The following PRR33 variants were observed in gnomAD, a reference collection of about 807,000 sequenced individuals.
PRR33 encodes the protein proline rich 33.
Under a neutral mutation model 0.5 loss-of-function variants are expected in PRR33, and 1 was observed. The ratio of observed to expected loss-of-function variants is 2.18; its 90% CI spans 0.77 to 10.34. The LOEUF is 10.34. Ranked by LOEUF, PRR33 falls within the 30% of genes most tolerant of loss-of-function variation. PRR33 has a pLI of 0.13. For synonymous variants in PRR33, 226 were observed against 110.0 expected, an observed-to-expected ratio of 2.06 and a Z score of -6.60; for missense variants, 552 against 251.8, an observed-to-expected ratio of 2.19 and a Z score of -8.07.
the PRR33 span, among the ~76,000 whole-genome samples, chr11:1,900,057 A>G: frequency 6.0e-5 from 9 of 151,106 alleles, no homozygotes; most frequent in African/African-American, 1.2e-4. Context: ...ATACATATAT[A>G]TATAAAATTT....
At chr11:1,905,433 C>CTTTTT in the PRR33 span, among the ~76,000 whole-genome samples, 3 of 97,886 alleles carry the variant, frequency 3.1e-5, no homozygotes, top group Admixed American at 1.2e-4. Context: ...GGCCTTCTCT[C>CTTTTT]TTTTTTTTTT....
chr11:1,907,120 T>C, the PRR33 span, among the ~76,000 whole-genome samples: 1 of 152,228 alleles, frequency 6.6e-6, no homozygotes, highest in Non-Finnish European at 1.5e-5. Context: ...ATTTTGTCTG[T>C]TCTGTGTTGC....
chr11:1,914,789 G>C, the PRR33 span, among the ~76,000 whole-genome samples: 5 of 142,322 alleles, frequency 3.5e-5, no homozygotes, highest in African/African-American at 1.3e-4. Context: ...TGGGTTGTGG[G>C]GTGTACACAC....
the PRR33 span, among the ~76,000 whole-genome samples, chr11:1,897,754 C>T: frequency 6.6e-6 from 1 of 152,146 alleles, no homozygotes; most frequent in East Asian, 1.9e-4. The surrounding 1 kb of genome is among the most constrained non-coding windows in gnomAD (Gnocchi z 4.0). Context: ...TCCTCATGGC[C>T]TTGTGTTTCT....
upstream of PRR33, among the ~76,000 whole-genome samples, chr11:1,893,862 T>C (rs927879085): frequency 6.9e-6 from 1 of 143,972 alleles, no homozygotes; most frequent in Non-Finnish European, 1.5e-5. Flanking sequence ...AAAGGACGGA[T>C]AGATAGATAG....
the PRR33 span, among the ~76,000 whole-genome samples, chr11:1,917,551 A>G: frequency 2.0e-5 from 3 of 152,086 alleles, no homozygotes; most frequent in African/African-American, 7.2e-5. Context: ...GCCCCCACCC[A>G]GGTCTACAGT....
the PRR33 span, among the ~76,000 whole-genome samples, chr11:1,898,119 A>G: frequency 1.1e-4 from 16 of 152,256 alleles, no homozygotes; most frequent in Admixed American, 1.0e-3. Flanking sequence ...CTGTTTAGCT[A>G]GTAAGGGATC....
chr11:1,899,616 G>A, the PRR33 span, among the ~76,000 whole-genome samples: 5 of 152,030 alleles, frequency 3.3e-5, no homozygotes, highest in African/African-American at 7.3e-5. Flanking sequence ...TGGACCCGAC[G>A]GCCATCCACC....
chr11:1,912,417 T>C, the PRR33 span, among the ~76,000 whole-genome samples: 27 of 152,250 alleles, frequency 1.8e-4, no homozygotes, highest in Non-Finnish European at 2.8e-4. Flanking sequence ...GAATGGGCTG[T>C]TTTGCTCAGT....
exon 1 of PRR33, chr11:1,888,949 C>T: frequency 2.0e-6 from 1 of 511,634 alleles, no homozygotes; most frequent in Non-Finnish European, 3.4e-6. Flanking sequence ...TCCTCTCTGC[C>T]CCGTCCACCT....
chr11:1,892,910 G>A (rs373615648), upstream of PRR33, among the ~76,000 whole-genome samples: 5 of 151,952 alleles, frequency 3.3e-5, no homozygotes, highest in South Asian at 2.1e-4. Context: ...CTGGATGAGC[G>A]AGTGGAGGGA....
the PRR33 span, among the ~76,000 whole-genome samples, chr11:1,909,925 T>C: frequency 6.6e-6 from 1 of 152,262 alleles, no homozygotes; most frequent in Non-Finnish European, 1.5e-5. Context: ...TATATCCAGG[T>C]GCAAGTGATA....
At chr11:1,907,560 C>T in the PRR33 span, among the ~76,000 whole-genome samples, 2 of 152,162 alleles carry the variant, frequency 1.3e-5, no homozygotes, top group Non-Finnish European at 2.9e-5. Context: ...TACAGACTCC[C>T]GCCACCATGC....
the PRR33 span, among the ~76,000 whole-genome samples, chr11:1,910,647 G>A: frequency 3.9e-5 from 6 of 152,168 alleles, no homozygotes; most frequent in South Asian, 4.1e-4. Flanking sequence ...TTTCACCTGC[G>A]ACTTGGGCGT....
At chr11:1,904,152 T>A in the PRR33 span, among the ~76,000 whole-genome samples, 1 of 152,214 alleles carries the variant, frequency 6.6e-6, no homozygotes, top group Non-Finnish European at 1.5e-5. Flanking sequence ...CAGTGGGCCC[T>A]GTGGGTCCTC....
At chr11:1,912,289 T>C in the PRR33 span, among the ~76,000 whole-genome samples, 6 of 118,330 alleles carry the variant, frequency 5.1e-5, no homozygotes, top group Admixed American at 4.7e-4. Context: ...GTTCCTTGTC[T>C]TTTTTTTTGT....
At chr11:1,907,522 C>A in the PRR33 span, among the ~76,000 whole-genome samples, 1 of 152,342 alleles carries the variant, frequency 6.6e-6, no homozygotes, top group Admixed American at 6.5e-5. Flanking sequence ...AGTGATTCTC[C>A]TGCCTAAGCC....
chr11:1,914,292 G>T, the PRR33 span, among the ~76,000 whole-genome samples: 1 of 148,964 alleles, frequency 6.7e-6, no homozygotes, highest in Admixed American at 6.6e-5. Flanking sequence ...TGTGTGTGTT[G>T]TGTGTGGGGT....
At chr11:1,894,290 G>A (rs1343894082), upstream of PRR33, among the ~76,000 whole-genome samples, 2 of 151,698 alleles carry the variant, frequency 1.3e-5, no homozygotes, top group Non-Finnish European at 2.9e-5. Context: ...TGGGAGTGCA[G>A]TGGCACAATG....
Sources: gnomAD v4.1 joint callset for allele counts (sites outside exome capture counted in the v4.1 genomes callset) on GRCh38, gnomAD v4.1.1 for gene constraint, Gnocchi (gnomAD v3.1) non-coding constraint, MANE v1.5 for transcripts, NCBI Gene and HGNC (gene_info 2026-07-23, HGNC 2026-07-21) for gene names.